Variants in ST8SIA4 observed in about 807,000 individuals in gnomAD.
ST8SIA4 encodes the protein CMP-N-acetylneuraminate-poly-alpha-2,8-sialyltransferase.
ST8SIA4 carries 15 observed loss-of-function variants against 33.9 expected under a neutral mutation model. The ratio of observed to expected loss-of-function variants is 0.44; its 90% CI spans 0.30 to 0.68. The LOEUF (loss-of-function observed/expected upper bound fraction) is 0.68. Among genes scored for constraint, ST8SIA4 ranks in the 30% least tolerant of loss-of-function variants. The probability of loss-of-function intolerance (pLI) is 0.10; values close to 1 mark genes in which losing one functional copy is unlikely to be tolerated. For synonymous variants in ST8SIA4, 171 were observed against 151.2 expected, an observed-to-expected ratio of 1.13 and a Z score of -0.96; for missense variants, 321 against 428.0, an observed-to-expected ratio of 0.75 and a Z score of 2.21.
intron 3 of ST8SIA4, among the ~76,000 whole-genome samples, chr5:100,884,815 A>G (rs1245568952): frequency 1.3e-5 from 2 of 152,184 alleles, no homozygotes; most frequent in Non-Finnish European, 2.9e-5. Flanking sequence ...CCCACATGTA[A>G]AAGCAGTCTT....
intron 4 of ST8SIA4, among the ~76,000 whole-genome samples, chr5:100,833,270 A>G (rs1299264885): frequency 1.3e-5 from 2 of 152,152 alleles, no homozygotes; most frequent in Non-Finnish European, 2.9e-5. Context: ...AAAGTGAAGT[A>G]AATTCCTAGC....
Position 100,807,733 on chromosome 5 carries a change from T to C in ST8SIA4, c.*4114A>G, listed in dbSNP as rs941211579. 2 of 152,534 alleles carry C rather than the reference T, an allele frequency of 1.3e-5. No individual in the cohort carries two copies. Among genetic ancestry groups the C allele is most frequent in the Admixed American group, 1.3e-4 (2 of 15,274 alleles). The allele number at this position is 152,534 out of a possible 1,614,324, so 9.4% of individuals were successfully genotyped here. A position where few individuals can be genotyped will look rare whatever the true frequency, so the allele number is the denominator to read the frequency against. ...TGGACTTACTTATCTCCAGGGGAGT[T>C]CACAGTGCAGACCCTGAAGATGTTA... On this transcript the variant is annotated 3_prime_UTR_variant, in exon 5 of 5. Transcript: ENST00000231461.
chr5:100,867,608 C>T (rs1752095278), intron 3 of ST8SIA4, among the ~76,000 whole-genome samples: 1 of 151,928 alleles, frequency 6.6e-6, no homozygotes, highest in African/African-American at 2.4e-5. Context: ...ATATCTAACT[C>T]TTAGTGATTA....
In ST8SIA4 at chr5:100,844,736, T is replaced by A. The variant is rs561320459; in HGVS notation, c.797+11367A>T. 2.8e-4 allele frequency among the ~76,000 whole-genome samples: 42 copies of A among 152,124 alleles called. No homozygotes were observed. In the Middle Eastern group the frequency reaches 0.01, roughly 37 times the overall value. On this transcript the variant is annotated intron_variant, in intron 4 of 4. Transcript: ENST00000231461. ...GGTGAATGTGGCTCCAATACTTGCC[T>A]TTATGTAATCAAATAACTGAAAAAG...
At position 100,807,558 on chromosome 5, in the gene ST8SIA4, C is replaced by T. The variant is rs1472863255; in HGVS notation, c.*4289G>A. 6.6e-6 allele frequency: 1 copy of T among 152,470 alleles called. No homozygotes were observed. The highest frequency in any genetic ancestry group is 2.4e-5 in the African/African-American group (1 of 41,434). 9.4% of individuals were successfully genotyped at this position (152,470 alleles called of 1,614,324 possible). On this transcript the variant is annotated 3_prime_UTR_variant, in exon 5 of 5. Transcript: ENST00000231461. ...TTCGAATACATTGCTAGCTTGAAGC[C>T]TTTACTTTTCTTCTTTATTATTAAG...
intron 3 of ST8SIA4, among the ~76,000 whole-genome samples, chr5:100,861,978 C>T (rs1053453177): frequency 1.3e-5 from 2 of 152,142 alleles, no homozygotes; most frequent in Non-Finnish European, 2.9e-5. Context: ...TTTCCTTTTA[C>T]AATCTATTAT....
At chr5:100,890,515 C>T (rs752985096) in intron 2 of ST8SIA4, 12 of 151,782 alleles carry the variant, frequency 7.9e-5, no homozygotes, top group East Asian at 1.9e-4. Flanking sequence ...TTAATATCTG[C>T]GCTCTATCTA....
At chr5:100,828,517 G>C (rs1751188234) in intron 4 of ST8SIA4, among the ~76,000 whole-genome samples, 1 of 152,098 alleles carries the variant, frequency 6.6e-6, no homozygotes, top group Non-Finnish European at 1.5e-5. Context: ...CTGTTAGACA[G>C]AAACATAGGT....
At chr5:100,845,507 T>C (rs930762330) in intron 4 of ST8SIA4, among the ~76,000 whole-genome samples, 4 of 151,908 alleles carry the variant, frequency 2.6e-5, no homozygotes, top group African/African-American at 9.7e-5. Flanking sequence ...ATATTTTGCA[T>C]ATTGATCAAT....
intron 4 of ST8SIA4, among the ~76,000 whole-genome samples, chr5:100,814,806 T>A (rs1750880369): frequency 6.6e-6 from 1 of 151,990 alleles, no homozygotes; most frequent in Non-Finnish European, 1.5e-5. Context: ...ATAGATCTTC[T>A]TTTTAATTCT....
chr5:100,874,245 A>T (rs1161791193), intron 3 of ST8SIA4, among the ~76,000 whole-genome samples: 3 of 152,162 alleles, frequency 2.0e-5, no homozygotes, highest in East Asian at 3.9e-4. Context: ...GTGGGGGTAC[A>T]CTTGAGGCAA....
At position 100,886,563 on chromosome 5, in the gene ST8SIA4, C is replaced by T. The variant is rs1267964877; in HGVS notation, c.283G>A (p.Val95Met). 4 of 1,613,794 alleles carry T rather than the reference C, an allele frequency of 2.5e-6. No homozygotes were observed. Among genetic ancestry groups the T allele is most frequent in the Non-Finnish European group, 3.4e-6 (4 of 1,179,734 alleles). ...TTAAAACTGCTCTTGACCACTGACA[C>T]ATCTCGTTCTGCATCTAAGAAACGA... ...ILRFLDAERD[V>M]SVVKSSFKPG... Residue 95 changes from valine to methionine, a missense_variant, in exon 3 of 5, where the codon GTG becomes ATG. Val to Met is a conservative substitution (Grantham distance 21). Transcript: ENST00000231461.
chr5:100,864,221 A>G (rs931347119), intron 3 of ST8SIA4, among the ~76,000 whole-genome samples: 5 of 152,196 alleles, frequency 3.3e-5, no homozygotes, highest in Non-Finnish European at 7.4e-5. Flanking sequence ...GTTGCTTGTA[A>G]TAAGTAATAC....
intron 3 of ST8SIA4, among the ~76,000 whole-genome samples, chr5:100,881,211 C>G (rs1752416559): frequency 6.6e-6 from 1 of 152,146 alleles, no homozygotes; most frequent in African/African-American, 2.4e-5. Context: ...TCCAGCAAGC[C>G]TATCTTGTTT....
At chr5:100,876,294 G>A (rs1206763657) in intron 3 of ST8SIA4, among the ~76,000 whole-genome samples, 1 of 152,036 alleles carries the variant, frequency 6.6e-6, no homozygotes, top group African/African-American at 2.4e-5. Context: ...AATCTTTGAA[G>A]AGATACGTCT....
At chr5:100,824,753 A>T (rs1751102835) in intron 4 of ST8SIA4, among the ~76,000 whole-genome samples, 1 of 152,122 alleles carries the variant, frequency 6.6e-6, no homozygotes, top group African/African-American at 2.4e-5. Context: ...CTGCCTACAC[A>T]AAAGATTTAG....
chr5:100,895,517 T>C (rs777074640), intron 2 of ST8SIA4, 137 bp downstream of exon 2: 2 of 816,508 alleles, frequency 2.4e-6, no homozygotes, highest in Non-Finnish European at 3.7e-6. Flanking sequence ...GTGAGCAACA[T>C]TAAATAGAGC....
chr5:100,841,903 T>A (rs1049953678), intron 4 of ST8SIA4, among the ~76,000 whole-genome samples: 2 of 151,876 alleles, frequency 1.3e-5, no homozygotes, highest in Admixed American at 1.3e-4. Flanking sequence ...CCTTGTCACT[T>A]CCCTATGTAA....
At chr5:100,833,871 T>A (rs939757858) in intron 4 of ST8SIA4, among the ~76,000 whole-genome samples, 32 of 152,148 alleles carry the variant, frequency 2.1e-4, no homozygotes, top group Non-Finnish European at 4.4e-4. Flanking sequence ...ATCTTGCACT[T>A]ATCGTACGGT....
Sources: allele counts gnomAD v4.1 joint callset (sites outside exome capture counted in the v4.1 genomes callset), GRCh38; gene constraint gnomAD v4.1.1; transcripts MANE v1.5; gene names NCBI Gene and HGNC (gene_info 2026-07-23, HGNC 2026-07-21).